SCP2: variants seen among roughly 807,000 people sequenced by gnomAD.
The protein encoded by SCP2 is SCP-2/3-oxoacyl-CoA thiolase.
Under a neutral mutation model 71.4 loss-of-function variants are expected in SCP2, and 48 were observed. That is an observed-to-expected ratio of 0.67 (90% CI 0.53 to 0.86). SCP2 has a LOEUF of 0.86. SCP2 is among the 40% of genes least tolerant of loss of function. SCP2 has a pLI of 0.00. For missense variants in SCP2, 560 were observed against 655.6 expected (o/e 0.85, Z 1.59); for synonymous variants, 220 against 218.1 (o/e 1.01, Z -0.08).
chr1:52,977,506 A>G (rs1658084937), intron 8 of SCP2, among the ~76,000 whole-genome samples: 1 of 152,228 alleles, frequency 6.6e-6, no homozygotes, highest in Non-Finnish European at 1.5e-5. Flanking sequence ...CCCAGTTTCC[A>G]AAAGGATTTC....
intron 11 of SCP2, among the ~76,000 whole-genome samples, chr1:53,001,887 A>C (rs1365059612): frequency 6.6e-6 from 1 of 152,218 alleles, no homozygotes; most frequent in Non-Finnish European, 1.5e-5. Flanking sequence ...GGCTTTAAAA[A>C]AATCTTCCCT....
At chr1:53,002,336 G>T (rs1158417335) in intron 11 of SCP2, among the ~76,000 whole-genome samples, 2 of 152,148 alleles carry the variant, frequency 1.3e-5, no homozygotes, top group Non-Finnish European at 2.9e-5. Flanking sequence ...ATATATTATT[G>T]CTCCTTTAAC....
At chr1:52,960,528 GTATATA>G (rs1326583891) in intron 5 of SCP2, among the ~76,000 whole-genome samples, 1 of 139,630 alleles carries the variant, frequency 7.2e-6, no homozygotes, top group African/African-American at 2.7e-5. Context: ...GTATATGTGT[GTATATA>G]TATGTATGTA....
At chr1:53,015,440 G>T (rs1661269364) in intron 12 of SCP2, among the ~76,000 whole-genome samples, 1 of 152,134 alleles carries the variant, frequency 6.6e-6, no homozygotes, top group Non-Finnish European at 1.5e-5. Context: ...ATAAGCCCTC[G>T]TTGATGCTAG....
chr1:52,939,407 A>G (rs1276911058), intron 1 of SCP2, among the ~76,000 whole-genome samples: 1 of 152,072 alleles, frequency 6.6e-6, no homozygotes, highest in African/African-American at 2.4e-5. Context: ...TTAGCCAGGC[A>G]TGATTATGAG....
At chr1:52,951,722 CTT>C (rs928545840) in intron 4 of SCP2, among the ~76,000 whole-genome samples, 1 of 145,596 alleles carries the variant, frequency 6.9e-6, no homozygotes, top group Non-Finnish European at 1.5e-5. Flanking sequence ...AATATTAGAA[CTT>C]TTTTTTTTTT....
intron 1 of SCP2, among the ~76,000 whole-genome samples, chr1:52,936,282 C>T (rs1653734142): frequency 6.6e-6 from 1 of 152,096 alleles, no homozygotes; most frequent in Admixed American, 6.6e-5. Flanking sequence ...TAGATATAAC[C>T]TTCATAATCG....
At chr1:52,962,877 G>A (rs1656601767) in intron 6 of SCP2, among the ~76,000 whole-genome samples, 1 of 151,434 alleles carries the variant, frequency 6.6e-6, no homozygotes, top group African/African-American at 2.4e-5. Flanking sequence ...ATACATATAT[G>A]TCAGATTATT....
rs2150167088 is a variant in SCP2 at position 52,976,698 on chromosome 1, A to G, written c.603A>G (p.Gln201=). 1.9e-6 allele frequency: 3 copies of G among 1,549,264 alleles called. No homozygotes were observed. The highest frequency in any genetic ancestry group is 2.7e-6 in the Non-Finnish European group (3 of 1,121,526). The change falls in exon 8 of 16, where the codon CAA becomes CAG. Residue 201 remains glutamine (Q), a synonymous_variant. Transcript: ENST00000371514. ...HSVNNPYSQF[Q]DEYSLDEVMA... ...TTGTATTTAGGTATTCCCAGTTCCA[A>G]GATGAATACAGTTTAGATGAAGTGA...
chr1:53,015,925 G>T (rs1015021469), intron 12 of SCP2, among the ~76,000 whole-genome samples: 3 of 152,004 alleles, frequency 2.0e-5, no homozygotes, highest in Non-Finnish European at 4.4e-5. Context: ...TCTTTAACCC[G>T]GCTGTAGCTT....
chr1:52,969,158 C>G lies in SCP2; in HGVS notation c.524-5611C>G, dbSNP rs183181642. Among the ~76,000 whole-genome samples, 19 of 151,410 alleles carry G rather than the reference C, an allele frequency of 1.3e-4. No individual in the cohort carries two copies. In the East Asian group the frequency reaches 3.3e-3, roughly 26 times the overall value. On this transcript the variant is annotated intron_variant, in intron 6 of 15. Coordinates refer to ENST00000371514, the MANE Select transcript of SCP2 (RefSeq NM_002979.5). ...GAAGAGGCAGGCATACTTGATGTAA[C>G]TGTCATTGAAAAAAGTCCCCTTATA...
chr1:52,982,083 A>G (rs913870877), intron 10 of SCP2, among the ~76,000 whole-genome samples: 1 of 151,894 alleles, frequency 6.6e-6, no homozygotes, highest in Non-Finnish European at 1.5e-5. Context: ...AGTGGTTGCT[A>G]TAGAGCATGG....
intron 13 of SCP2, among the ~76,000 whole-genome samples, chr1:53,037,996 TA>T (rs141062114): frequency 0.043 from 5,159 of 118,732 alleles, 224 homozygotes; most frequent in East Asian, 0.26. Context: ...CACATTCAAT[TA>T]ACCAGTTGTG....
intron 11 of SCP2, among the ~76,000 whole-genome samples, chr1:53,004,219 A>G (rs1222010233): frequency 6.6e-6 from 1 of 152,142 alleles, no homozygotes; most frequent in Non-Finnish European, 1.5e-5. Context: ...GCAACTTAAA[A>G]CTTATGAATT....
intron 11 of SCP2, among the ~76,000 whole-genome samples, chr1:52,998,896 C>T (rs1396016514): frequency 6.6e-6 from 1 of 152,064 alleles, no homozygotes; most frequent in Non-Finnish European, 1.5e-5. Context: ...AACAGGTAAC[C>T]TAAAACACCC....
At chr1:53,022,370 A>T (rs565430834) in intron 12 of SCP2, among the ~76,000 whole-genome samples, 1 of 152,048 alleles carries the variant, frequency 6.6e-6, no homozygotes, top group Non-Finnish European at 1.5e-5. Context: ...CTTGTTACCT[A>T]TCTTTTTAGT....
In SCP2 at chr1:53,015,764, G is replaced by C. The variant is rs373039531; in HGVS notation, c.1235+721G>C. ...CCTTGCCTTAATTGTTGTTGTTCATGATGAGCCTTTTATGTTGAGCCACCT... is the reference window on the plus strand; with the variant it reads ...CCTTGCCTTAATTGTTGTTGTTCATCATGAGCCTTTTATGTTGAGCCACCT... On this transcript the variant is annotated intron_variant, in intron 12 of 15. Coordinates refer to ENST00000371514, the MANE Select transcript of SCP2 (RefSeq NM_002979.5). Among the ~76,000 whole-genome samples the C allele has an allele frequency of 8.5e-5, 13 of 152,226 alleles. No individual in the cohort carries two copies. The South Asian group carries it at 2.7e-3, about 32-fold the overall frequency.
At chr1:52,995,268 C>A in intron 11 of SCP2, 1 of 489,892 alleles carries the variant, frequency 2.0e-6, no homozygotes. Context: ...CCTACAACAT[C>A]ACCCTCTCCA....
chr1:52,968,586 C>T (rs1369471049), intron 6 of SCP2, among the ~76,000 whole-genome samples: 2 of 152,142 alleles, frequency 1.3e-5, no homozygotes, highest in Non-Finnish European at 2.9e-5. Flanking sequence ...ATGACCATCA[C>T]CATGATTAAT....
Sources: gnomAD v4.1 joint callset for allele counts (sites outside exome capture counted in the v4.1 genomes callset) on GRCh38, gnomAD v4.1.1 for gene constraint, MANE v1.5 for transcripts, NCBI Gene and HGNC (gene_info 2026-07-23, HGNC 2026-07-21) for gene names.